ITPK1: variants seen among roughly 807,000 people sequenced by gnomAD.
ITPK1 encodes inositol-tetrakisphosphate 1-kinase, also known as inositol 1,3,4-trisphosphate 5/6-kinase.
A neutral mutation model predicts 45.3 loss-of-function variants in ITPK1; 21 were observed. The observed-to-expected ratio is 0.46, with a 90% CI of 0.33 to 0.67. ITPK1 has a LOEUF of 0.67. Among genes scored for constraint, ITPK1 ranks in the 30% least tolerant of loss-of-function variants. The pLI, the probability that ITPK1 is intolerant of heterozygous loss-of-function variation, is 0.02. For synonymous variants in ITPK1, 258 were observed against 253.6 expected (o/e 1.02, Z -0.16); for missense variants, 474 against 573.5 (o/e 0.83, Z 1.77).
intron 2 of ITPK1, among the ~76,000 whole-genome samples, chr14:93,105,909 T>C (rs1171824751): frequency 6.6e-6 from 1 of 152,096 alleles, no homozygotes; most frequent in Non-Finnish European, 1.5e-5. Context: ...TTCACCATGT[T>C]GGCCAAGCTG....
At chr14:93,053,133 A>T (rs1479587611) in intron 3 of ITPK1, among the ~76,000 whole-genome samples, 1 of 152,044 alleles carries the variant, frequency 6.6e-6, no homozygotes, top group Non-Finnish European at 1.5e-5. Flanking sequence ...ATAATAAAAA[A>T]TAAAAATAAA....
chr14:93,019,220 C>T (rs960850502), intron 3 of ITPK1, among the ~76,000 whole-genome samples: 1 of 152,212 alleles, frequency 6.6e-6, no homozygotes, highest in African/African-American at 2.4e-5. Flanking sequence ...CCCACAGAAC[C>T]CCCATGCCCA....
chr14:93,010,795 C>T lies in ITPK1; in HGVS notation c.246+5881G>A, dbSNP rs866928418. On this transcript the variant is annotated intron_variant, in intron 4 of 10. Coordinates refer to ENST00000267615, the MANE Select transcript of ITPK1 (RefSeq NM_014216.6). ...CCGGGCCTGTACTGAGTGGCTCGTA[C>T]GCATCATCACACCCCAGGCACTCAC... is the stretch of plus-strand genomic sequence containing the variant. 9.9e-5 allele frequency among the ~76,000 whole-genome samples: 15 copies of T among 152,124 alleles called. No individual in the cohort carries two copies. In the South Asian group the frequency reaches 1.0e-3, roughly 10 times the overall value.
chr14:93,083,028 T>A (rs1324044045), intron 2 of ITPK1, among the ~76,000 whole-genome samples: 1 of 152,172 alleles, frequency 6.6e-6, no homozygotes, highest in African/African-American at 2.4e-5. Context: ...GGTTACCACT[T>A]CTGAAGATGA....
intron 5 of ITPK1, among the ~76,000 whole-genome samples, chr14:92,989,024 C>T (rs1372079821): frequency 2.6e-5 from 4 of 152,078 alleles, no homozygotes; most frequent in South Asian, 2.1e-4. Context: ...TGCAGCTCCC[C>T]GAGGGTTGAG....
chr14:93,088,341 G>GTTTTTTTTTTTTTTTT (rs1179019290), intron 2 of ITPK1, among the ~76,000 whole-genome samples: 2 of 132,722 alleles, frequency 1.5e-5, no homozygotes, highest in African/African-American at 5.6e-5. Flanking sequence ...GTTTTGTTTT[G>GTTTTTTTTTTTTTTTT]TTTTTTTTTT....
In ITPK1 at chr14:93,032,712, C is replaced by T. The variant is rs1889132506; in HGVS notation, c.121-15911G>A. 6.6e-6 allele frequency among the ~76,000 whole-genome samples: 1 copy of T among 152,204 alleles called. No individual in the cohort carries two copies. Among genetic ancestry groups the T allele is most frequent in the African/African-American group, 2.4e-5 (1 of 41,458 alleles). Reference sequence around the variant, plus strand: ...GCAGCTTGATGCCCTTGAATATCTTCCGATTAGCCTCATCTAGAAGGCACA... The same window carrying T: ...GCAGCTTGATGCCCTTGAATATCTTTCGATTAGCCTCATCTAGAAGGCACA... On this transcript the variant is annotated intron_variant, in intron 3 of 10. Coordinates refer to ENST00000267615, the MANE Select transcript of ITPK1 (RefSeq NM_014216.6). This position sits in a 1 kb window ranked among gnomAD's most constrained non-coding sequence, Gnocchi z 4.0.
At position 93,014,700 on chromosome 14, in the gene ITPK1, C is replaced by T. The variant is rs938139568; in HGVS notation, c.246+1976G>A. Among the ~76,000 whole-genome samples, 1 of 152,362 alleles carries T rather than the reference C, an allele frequency of 6.6e-6. No individual in the cohort carries two copies. Among genetic ancestry groups the T allele is most frequent in the African/African-American group, 2.4e-5 (1 of 41,594 alleles). Reference sequence around the variant, plus strand: ...GACAGGTGAGGAGAGCAAGCTAGCGCAGGCTCAAATCCCACCTGGACCACT... The same window carrying T: ...GACAGGTGAGGAGAGCAAGCTAGCGTAGGCTCAAATCCCACCTGGACCACT... On this transcript the variant is annotated intron_variant, in intron 4 of 10. Coordinates refer to ENST00000267615, the MANE Select transcript of ITPK1 (RefSeq NM_014216.6). This position sits in a 1 kb window ranked among gnomAD's most constrained non-coding sequence, Gnocchi z 4.4.
At chr14:92,975,193 C>CCA (rs1451515793) in intron 5 of ITPK1, among the ~76,000 whole-genome samples, 1 of 152,234 alleles carries the variant, frequency 6.6e-6, no homozygotes, top group Non-Finnish European at 1.5e-5. Flanking sequence ...TTGAAGTCCT[C>CCA]CATGGCCAAG....
At chr14:93,102,475 TAAAGA>T (rs898163639) in intron 2 of ITPK1, among the ~76,000 whole-genome samples, 13 of 152,228 alleles carry the variant, frequency 8.5e-5, no homozygotes, top group African/African-American at 3.1e-4. Context: ...TTTAAAATCT[TAAAGA>T]AAATAGGCTG....
At chr14:92,988,907 G>A (rs909458811) in intron 5 of ITPK1, among the ~76,000 whole-genome samples, 3 of 152,162 alleles carry the variant, frequency 2.0e-5, no homozygotes, top group Admixed American at 6.5e-5. Context: ...CTGCCTAAGC[G>A]CTGACAGACG....
intron 5 of ITPK1, among the ~76,000 whole-genome samples, chr14:92,970,874 A>T: frequency 6.6e-6 from 1 of 152,018 alleles, no homozygotes; most frequent in Non-Finnish European, 1.5e-5. Flanking sequence ...TGACCCCGTG[A>T]TCCGCCCGCC....
intron 2 of ITPK1, among the ~76,000 whole-genome samples, chr14:93,091,954 T>C (rs1372761664): frequency 1.3e-5 from 2 of 152,202 alleles, no homozygotes; most frequent in Non-Finnish European, 2.9e-5. Flanking sequence ...TTCAGGACCC[T>C]GGGTTTGAGC....
chr14:93,041,593 T>TGGCA (rs1889564218), intron 3 of ITPK1, among the ~76,000 whole-genome samples: 1 of 152,182 alleles, frequency 6.6e-6, no homozygotes, highest in African/African-American at 2.4e-5. Context: ...GTAGGCCCTG[T>TGGCA]GGCAGGCAGG....
At chr14:93,057,038 T>C (rs1595174092) in intron 3 of ITPK1, among the ~76,000 whole-genome samples, 1 of 152,228 alleles carries the variant, frequency 6.6e-6, no homozygotes, top group East Asian at 1.9e-4. Context: ...TTTTACAGCT[T>C]AGAAAGCGCC....
rs546664741 is a variant in ITPK1, at chr14:93,079,648, G to T, written c.96-3029C>A. Among the ~76,000 whole-genome samples, 5 of 152,272 alleles carry T rather than the reference G, an allele frequency of 3.3e-5. No individual in the cohort carries two copies. In the South Asian group the frequency reaches 1.0e-3, roughly 32 times the overall value. On this transcript the variant is annotated intron_variant, in intron 2 of 10. Coordinates refer to ENST00000267615, the MANE Select transcript of ITPK1 (RefSeq NM_014216.6). ...CCCACATGCACCACCACAGCCTCTC[G>T]GGAAAATAAAACAACCTGTCGGGGC...
chr14:92,990,670 G>A (rs905481971), intron 5 of ITPK1, among the ~76,000 whole-genome samples: 6 of 152,180 alleles, frequency 3.9e-5, no homozygotes, highest in Admixed American at 2.0e-4. Context: ...CGGAGACAGC[G>A]ATGCTGGGAG....
At chr14:92,992,182 G>C (rs1166290894) in intron 5 of ITPK1, among the ~76,000 whole-genome samples, 1 of 152,214 alleles carries the variant, frequency 6.6e-6, no homozygotes, top group African/African-American at 2.4e-5. Flanking sequence ...CTGCTGGTCT[G>C]CCACCTTCTT....
chr14:93,105,792 C>T (rs1892500764), intron 2 of ITPK1, among the ~76,000 whole-genome samples: 1 of 151,634 alleles, frequency 6.6e-6, no homozygotes, highest in South Asian at 2.1e-4. Context: ...CAACATCCAC[C>T]TCCCGGGTTC....
Sources: gnomAD v4.1 joint callset for allele counts (sites outside exome capture counted in the v4.1 genomes callset) on GRCh38, gnomAD v4.1.1 for gene constraint, Gnocchi (gnomAD v3.1) non-coding constraint, MANE v1.5 for transcripts, NCBI Gene and HGNC (gene_info 2026-07-23, HGNC 2026-07-21) for gene names.